POU5F2: variants seen among roughly 807,000 people sequenced by gnomAD.
POU5F2 encodes POU domain class 5, transcription factor 2.
For synonymous variants in POU5F2, 191 were observed against 178.7 expected, an observed-to-expected ratio of 1.07 and a Z score of -0.55; for missense variants, 401 against 426.6, an observed-to-expected ratio of 0.94 and a Z score of 0.53.
Position 93,741,060 on chromosome 5 carries a change from C to T in POU5F2, c.504G>A (p.Glu168=). 1 of 1,613,890 alleles carries T rather than the reference C, an allele frequency of 6.2e-7. No homozygotes were observed. Among genetic ancestry groups the T allele is most frequent in the Non-Finnish European group, 8.5e-7 (1 of 1,179,944 alleles). The change falls in exon 1 of 1, where the codon GAG becomes GAA. Residue 168 remains glutamate, a synonymous_variant. Transcript: ENST00000606183. ...VLSQTTICRF[E]AQQLSVANMW... The stretch of plus-strand genomic sequence containing the variant: ...TGTTGGCGACGCTTAGCTGCTGGGC[C>T]TCGAAGCGGCAGATGGTCGTCTGGC...
rs187706284 is a variant in POU5F2 at position 93,734,254 on chromosome 5, A to G, written c.*6323T>C. 6.6e-6 allele frequency: 1 copy of G among 152,306 alleles called. No homozygotes were observed. Among genetic ancestry groups the G allele is most frequent in the Admixed American group, 6.5e-5 (1 of 15,298 alleles). 9.4% of individuals were successfully genotyped at this position (152,306 alleles called of 1,614,324 possible). ...ACATTATTTAGTCTGAACTTACAAG[A>G]CTTATGTAAAATGCAACTCAGGGCC... On this transcript the variant is annotated 3_prime_UTR_variant, in exon 1 of 1. Coordinates refer to ENST00000606183, the MANE Select transcript of POU5F2 (RefSeq NM_153216.2).
At position 93,735,843 on chromosome 5, in the gene POU5F2, A is replaced by C. The variant is rs1019480416; in HGVS notation, c.*4734T>G. 6.6e-6 allele frequency: 1 copy of C among 152,074 alleles called. No individual in the cohort carries two copies. The highest frequency in any genetic ancestry group is 1.5e-5 in the Non-Finnish European group (1 of 68,024). The allele number at this position is 152,074 out of a possible 1,614,324, so 9.4% of individuals were successfully genotyped here. A position where few individuals can be genotyped will look rare whatever the true frequency, so the allele number is the denominator to read the frequency against. The stretch of plus-strand genomic sequence containing the variant: ...TAGCTTGTGTGGAGGAAATGGTCTC[A>C]CTGTGATGTTGTAAGCTGGGATCAG... On this transcript the variant is annotated 3_prime_UTR_variant, in exon 1 of 1. Transcript: ENST00000606183.
chr5:93,737,643 T>C lies in POU5F2; in HGVS notation c.*2934A>G, dbSNP rs1379985018. 1.4e-5 allele frequency: 3 copies of C among 208,388 alleles called. No individual in the cohort carries two copies. Among genetic ancestry groups the C allele is most frequent in the African/African-American group, 4.7e-5 (2 of 42,144 alleles). The allele number at this position is 208,388 out of a possible 1,614,324, so 12.9% of individuals were successfully genotyped here. A position where few individuals can be genotyped will look rare whatever the true frequency, so the allele number is the denominator to read the frequency against. ...TGGTACTGGCATAAAGACAGACATA[T>C]AGACCAACAGAAGAGAGTTGAGAGC... is the stretch of plus-strand genomic sequence containing the variant. On this transcript the variant is annotated 3_prime_UTR_variant, in exon 1 of 1. Coordinates refer to ENST00000606183, the MANE Select transcript of POU5F2 (RefSeq NM_153216.2).
rs1209133222 is a variant in POU5F2 at position 93,739,515 on chromosome 5, T to C, written c.*1062A>G. 6.6e-6 allele frequency: 1 copy of C among 152,108 alleles called. No homozygotes were observed. The highest frequency in any genetic ancestry group is 1.5e-5 in the Non-Finnish European group (1 of 68,018). The allele number at this position is 152,108 out of a possible 1,614,324, so 9.4% of individuals were successfully genotyped here. A position where few individuals can be genotyped will look rare whatever the true frequency, so the allele number is the denominator to read the frequency against. On this transcript the variant is annotated 3_prime_UTR_variant, in exon 1 of 1. Transcript: ENST00000606183. The stretch of plus-strand genomic sequence containing the variant: ...AAGACATAAACTCTGATATAATACA[T>C]ACTGATAGAATTCTAGGACAATAAA...
Position 93,741,067 on chromosome 5 carries a change from C to T in POU5F2, c.497G>A (p.Arg166His). Residue 166 changes from arginine (R) to histidine (H), a missense_variant, in exon 1 of 1, where the codon CGC becomes CAC. Coordinates refer to ENST00000606183, the MANE Select transcript of POU5F2 (RefSeq NM_153216.2). Reference sequence around the variant, plus strand: ...GACGCTTAGCTGCTGGGCCTCGAAGCGGCAGATGGTCGTCTGGCTAAGCAC... The same window carrying T: ...GACGCTTAGCTGCTGGGCCTCGAAGTGGCAGATGGTCGTCTGGCTAAGCAC... The part of the protein sequence containing the change: ...GKVLSQTTIC[R>H]FEAQQLSVAN... The T allele has an allele frequency of 6.2e-7, 1 of 1,613,886 alleles. No homozygotes were observed.
Position 93,741,220 on chromosome 5 carries a change from G to T in POU5F2, c.344C>A (p.Pro115Gln), listed in dbSNP as rs746127873. The change falls in exon 1 of 1, where the codon CCG becomes CAG. Residue 115 changes from proline (P) to glutamine (Q), a missense_variant. Pro to Gln is a moderately conservative substitution (Grantham distance 76). Coordinates refer to ENST00000606183, the MANE Select transcript of POU5F2 (RefSeq NM_153216.2). ...CAGTATGCCCGAGATGTCCTCTGGC[G>T]GCGGCAACTTCGGAATGCTCCGCAG... is the stretch of plus-strand genomic sequence containing the variant. ...IALRSIPKLP[P>Q]PEDISGILKE... 2 of 1,613,840 alleles carry T rather than the reference G, an allele frequency of 1.2e-6. No individual in the cohort carries two copies. The highest frequency in any genetic ancestry group is 1.1e-5 in the South Asian group (1 of 91,080).
In POU5F2 at chr5:93,740,411, T is replaced by C. The variant is rs1396581459; in HGVS notation, c.*166A>G. The C allele has an allele frequency of 1.4e-6, 1 of 696,938 alleles. No individual in the cohort carries two copies. Among genetic ancestry groups the C allele is most frequent in the Non-Finnish European group, 2.3e-6 (1 of 434,650 alleles). The allele number at this position is 696,938 out of a possible 1,614,324, so 43.2% of individuals were successfully genotyped here. ...AACTTCATCTTCTCTCCCAGGTTTT[T>C]CTTGAACAATTCCCACCCCCATTCC... On this transcript the variant is annotated 3_prime_UTR_variant, in exon 1 of 1. Coordinates refer to ENST00000606183, the MANE Select transcript of POU5F2 (RefSeq NM_153216.2).
chr5:93,734,703 T>G lies in POU5F2; in HGVS notation c.*5874A>C, dbSNP rs1285988080. 6.6e-6 allele frequency: 1 copy of G among 152,204 alleles called. No individual in the cohort carries two copies. The highest frequency in any genetic ancestry group is 2.1e-4 in the South Asian group (1 of 4,830). 9.4% of individuals were successfully genotyped at this position (152,204 alleles called of 1,614,324 possible). A position where few individuals can be genotyped will look rare whatever the true frequency, so the allele number is the denominator to read the frequency against. Reference sequence around the variant, plus strand: ...GAAAATCTGGGCAAATATGAAGACTTTGGAGTGTTTGACATCTGCCTTTAC... The same window carrying G: ...GAAAATCTGGGCAAATATGAAGACTGTGGAGTGTTTGACATCTGCCTTTAC... On this transcript the variant is annotated 3_prime_UTR_variant, in exon 1 of 1. Transcript: ENST00000606183.
chr5:93,735,763 T>C lies in POU5F2; in HGVS notation c.*4814A>G, dbSNP rs780741192. ...TAACTTATGTGGATCCTCAGTGCTCTACCTTTAGACACTGACAAGAAGAAA... is the reference window on the plus strand; with the variant it reads ...TAACTTATGTGGATCCTCAGTGCTCCACCTTTAGACACTGACAAGAAGAAA... On this transcript the variant is annotated 3_prime_UTR_variant, in exon 1 of 1. Transcript: ENST00000606183. 2.6e-5 allele frequency: 4 copies of C among 152,174 alleles called. No individual in the cohort carries two copies. The highest frequency in any genetic ancestry group is 1.9e-4 in the East Asian group (1 of 5,176). 9.4% of individuals were successfully genotyped at this position (152,174 alleles called of 1,614,324 possible).
chr5:93,741,235 A>G lies in POU5F2; in HGVS notation c.329T>C (p.Ile110Thr), dbSNP rs769204489. 3 of 1,613,902 alleles carry G rather than the reference A, an allele frequency of 1.9e-6. No individual in the cohort carries two copies. Among genetic ancestry groups the G allele is most frequent in the Non-Finnish European group, 2.5e-6 (3 of 1,179,892 alleles). The change falls in exon 1 of 1, where the codon ATT (isoleucine) becomes ACT (threonine). Residue 110 changes from isoleucine to threonine, a missense_variant. Ile to Thr is a moderately conservative substitution (Grantham distance 89). Coordinates refer to ENST00000606183, the MANE Select transcript of POU5F2 (RefSeq NM_153216.2). The part of the protein sequence containing the change: ...LPGPYIALRS[I>T]PKLPPPEDIS... ...GTCCTCTGGCGGCGGCAACTTCGGAATGCTCCGCAGGGCAATGTAGGGCCC... is the reference window on the plus strand; with the variant it reads ...GTCCTCTGGCGGCGGCAACTTCGGAGTGCTCCGCAGGGCAATGTAGGGCCC...
In POU5F2 at chr5:93,736,473, T is replaced by C. The variant is rs1747230092; in HGVS notation, c.*4104A>G. The C allele has an allele frequency of 6.6e-6, 1 of 152,208 alleles. No homozygotes were observed. Among genetic ancestry groups the C allele is most frequent in the Non-Finnish European group, 1.5e-5 (1 of 68,044 alleles). 9.4% of individuals were successfully genotyped at this position (152,208 alleles called of 1,614,324 possible). A position where few individuals can be genotyped will look rare whatever the true frequency, so the allele number is the denominator to read the frequency against. ...CTGGGCTACTTCATGTTGTGGACTA[T>C]GGAAGATCTGGTTTAAAACTTATTT... On this transcript the variant is annotated 3_prime_UTR_variant, in exon 1 of 1. Transcript: ENST00000606183.
rs1746726453 is a variant in POU5F2 at position 93,734,196 on chromosome 5, A to G, written c.*6381T>C. 6.6e-6 allele frequency: 1 copy of G among 152,224 alleles called. No individual in the cohort carries two copies. The highest frequency in any genetic ancestry group is 2.4e-5 in the African/African-American group (1 of 41,474). 9.4% of individuals were successfully genotyped at this position (152,224 alleles called of 1,614,324 possible). ...TTTAATTAAAGTGCCAAGGATTGAT[A>G]AAAGTGTAAGAACAAGAAAGGCAAT... On this transcript the variant is annotated 3_prime_UTR_variant, in exon 1 of 1. Transcript: ENST00000606183.
At position 93,741,200 on chromosome 5, in the gene POU5F2, T is replaced by C; in HGVS notation, c.364A>G (p.Ile122Val). The change falls in exon 1 of 1, where the codon ATA (isoleucine) becomes GTA (valine). Residue 122 changes from isoleucine to valine, a missense_variant. By Grantham distance (29) the Ile-to-Val change is conservative. Coordinates refer to ENST00000606183, the MANE Select transcript of POU5F2 (RefSeq NM_153216.2). ...KLPPPEDISGILKELQQLAKE... is the reference protein window; with the variant it reads ...KLPPPEDISGVLKELQQLAKE... ...GCCAATTGCTGCAACTCTTTCAGTA[T>C]GCCCGAGATGTCCTCTGGCGGCGGC... 3 of 1,613,876 alleles carry C rather than the reference T, an allele frequency of 1.9e-6. No homozygotes were observed. Among genetic ancestry groups the C allele is most frequent in the Non-Finnish European group, 2.5e-6 (3 of 1,179,874 alleles).
chr5:93,740,447 T>C lies in POU5F2; in HGVS notation c.*130A>G, dbSNP rs1200654020. On this transcript the variant is annotated 3_prime_UTR_variant, in exon 1 of 1. Coordinates refer to ENST00000606183, the MANE Select transcript of POU5F2 (RefSeq NM_153216.2). ...TCCCACCCCCATTCCCTACTATGTA[T>C]CCTTAACTTCTTTAGACAGTGAATG... is the stretch of plus-strand genomic sequence containing the variant. 11 of 1,010,162 alleles carry C rather than the reference T, an allele frequency of 1.1e-5. No individual in the cohort carries two copies. In the African/African-American group the frequency reaches 1.8e-4, roughly 16 times the overall value. The allele number at this position is 1,010,162 out of a possible 1,614,324, so 62.6% of individuals were successfully genotyped here.
In POU5F2 at chr5:93,741,173, T is replaced by G; in HGVS notation, c.391A>C (p.Lys131Gln). Residue 131 changes from lysine to glutamine, a missense_variant, in exon 1 of 1, where the codon AAG becomes CAG. Physicochemically the swap from Lys to Gln is moderately conservative, Grantham distance 53. Transcript: ENST00000606183. ...CTCAACCTCTTCTGCCTCAACTCCT[T>G]GGCCAATTGCTGCAACTCTTTCAGT... ...GILKELQQLA[K>Q]ELRQKRLSLG... 2 of 1,613,836 alleles carry G rather than the reference T, an allele frequency of 1.2e-6. No homozygotes were observed. Among genetic ancestry groups the G allele is most frequent in the South Asian group, 2.2e-5 (2 of 91,078 alleles).
At position 93,736,882 on chromosome 5, in the gene POU5F2, A is replaced by G. The variant is rs1341787464; in HGVS notation, c.*3695T>C. 6.6e-6 allele frequency: 1 copy of G among 152,212 alleles called. No homozygotes were observed. Among genetic ancestry groups the G allele is most frequent in the Non-Finnish European group, 1.5e-5 (1 of 68,026 alleles). 9.4% of individuals were successfully genotyped at this position (152,212 alleles called of 1,614,324 possible). ...TGAAAAGACTAAAAGTTTTTCTCCTAAGAACAAAAACAAGACAAGGATGTC... is the reference window on the plus strand; with the variant it reads ...TGAAAAGACTAAAAGTTTTTCTCCTGAGAACAAAAACAAGACAAGGATGTC... On this transcript the variant is annotated 3_prime_UTR_variant, in exon 1 of 1. Transcript: ENST00000606183.
chr5:93,736,519 T>A lies in POU5F2; in HGVS notation c.*4058A>T, dbSNP rs910325700. On this transcript the variant is annotated 3_prime_UTR_variant, in exon 1 of 1. Coordinates refer to ENST00000606183, the MANE Select transcript of POU5F2 (RefSeq NM_153216.2). ...TATTTTCATCACCCCGGGTGAGTCA[T>A]TTACTCTTACACAAAGATGTCATGA... is the stretch of plus-strand genomic sequence containing the variant. 6.6e-6 allele frequency: 1 copy of A among 152,122 alleles called. No individual in the cohort carries two copies. Among genetic ancestry groups the A allele is most frequent in the Non-Finnish European group, 1.5e-5 (1 of 68,034 alleles). The allele number at this position is 152,122 out of a possible 1,614,324, so 9.4% of individuals were successfully genotyped here.
At position 93,741,091 on chromosome 5, in the gene POU5F2, A is replaced by G; in HGVS notation, c.473T>C (p.Val158Ala). 1 of 1,613,660 alleles carries G rather than the reference A, an allele frequency of 6.2e-7. No individual in the cohort carries two copies. Among genetic ancestry groups the G allele is most frequent in the Non-Finnish European group, 8.5e-7 (1 of 1,179,830 alleles). The part of the protein sequence containing the change: ...GIAVGALFGK[V>A]LSQTTICRFE... ...GCGGCAGATGGTCGTCTGGCTAAGC[A>G]CCTTCCCAAACAGAGCTCCCACAGC... Residue 158 changes from valine (V) to alanine (A), a missense_variant, in exon 1 of 1, where the codon GTG (valine) becomes GCG (alanine). Physicochemically the swap from Val to Ala is moderately conservative, Grantham distance 64. Coordinates refer to ENST00000606183, the MANE Select transcript of POU5F2 (RefSeq NM_153216.2).
At chr5:93,741,214 TC>T in the POU5F2 span, 1 of 1,613,768 alleles carries the variant, frequency 6.2e-7, no homozygotes, top group Admixed American at 1.7e-5. Context: ...CGAGATGTCC[TC>T]TGGCGGCGGC....
Sources: allele counts gnomAD v4.1 joint callset, GRCh38; gene constraint gnomAD v4.1.1; transcripts MANE v1.5; gene names NCBI Gene and HGNC (gene_info 2026-07-23, HGNC 2026-07-21).